Variants in STK17B observed in about 807,000 individuals in gnomAD.
The protein encoded by STK17B is serine/threonine kinase 17b, also known as serine/threonine-protein kinase 17B.
Under a neutral mutation model 42.0 loss-of-function variants are expected in STK17B, and 21 were observed. That is an observed-to-expected ratio of 0.50 (90% CI 0.35 to 0.72). The LOEUF is 0.72. Ranked by LOEUF, STK17B falls within the 30% of genes least tolerant of loss-of-function variation. The pLI is 0.00. For synonymous variants in STK17B, 143 were observed against 148.4 expected (o/e 0.96, Z 0.26); for missense variants, 349 against 446.0 (o/e 0.78, Z 1.96).
intron 1 of STK17B, 101 bp from the exon 2 acceptor site, chr2:196,163,528 A>C: frequency 1.1e-6 from 1 of 948,512 alleles, no homozygotes; most frequent in Non-Finnish European, 1.4e-6. Context: ...AACTAAAAAA[A>C]AAAAAGATTT....
chr2:196,157,799 C>T (rs1339838481), intron 2 of STK17B, among the ~76,000 whole-genome samples: 2 of 152,170 alleles, frequency 1.3e-5, no homozygotes, highest in African/African-American at 4.8e-5. Context: ...ATACGTGTTA[C>T]TGTAAGTCTA....
chr2:196,175,659 A>G (rs1480895978), upstream of STK17B, among the ~76,000 whole-genome samples: 1 of 152,244 alleles, frequency 6.6e-6, no homozygotes, highest in Non-Finnish European at 1.5e-5. Context: ...ATAACTAAAT[A>G]CAGTATCAGT....
intron 4 of STK17B, among the ~76,000 whole-genome samples, chr2:196,144,794 T>C: frequency 6.6e-6 from 1 of 152,162 alleles, no homozygotes; most frequent in East Asian, 1.9e-4. Context: ...CCCATACCTC[T>C]GCCAAGGTGC....
Position 196,139,603 on chromosome 2 carries a change from A to T in STK17B, c.836+17T>A. On this transcript the variant is annotated intron_variant, in intron 7 of 7. Transcript: ENST00000263955. Reference sequence around the variant, plus strand: ...CAAATTAAATTTGTAATAGTATTTAAACAAATTATTACTTACTCTGGATTT... The same window carrying T: ...CAAATTAAATTTGTAATAGTATTTATACAAATTATTACTTACTCTGGATTT... The T allele has an allele frequency of 1.5e-6, 2 of 1,344,252 alleles. No homozygotes were observed. Among genetic ancestry groups the T allele is most frequent in the Non-Finnish European group, 1.9e-6 (2 of 1,036,944 alleles). 83.3% of individuals were successfully genotyped at this position (1,344,252 alleles called of 1,614,324 possible).
chr2:196,175,937 CA>C (rs2105725067), upstream of STK17B, among the ~76,000 whole-genome samples: 1 of 152,314 alleles, frequency 6.6e-6, no homozygotes, highest in South Asian at 2.1e-4. Flanking sequence ...GAGGGACTTG[CA>C]AAAGATCACA....
intron 1 of STK17B, among the ~76,000 whole-genome samples, chr2:196,164,757 T>C (rs572143103): frequency 1.4e-4 from 21 of 152,338 alleles, no homozygotes; most frequent in African/African-American, 4.3e-4. Flanking sequence ...TATTCTCAAA[T>C]TATGAACGCG....
upstream of STK17B, chr2:196,171,598 G>A (rs1032761607): frequency 6.6e-6 from 1 of 152,182 alleles, no homozygotes; most frequent in Non-Finnish European, 1.5e-5. Flanking sequence ...AGCCGCGTCT[G>A]GGGCATCGCC....
intron 2 of STK17B, among the ~76,000 whole-genome samples, chr2:196,157,803 A>G (rs980492526): frequency 6.6e-6 from 1 of 152,230 alleles, no homozygotes; most frequent in Non-Finnish European, 1.5e-5. Flanking sequence ...GTGTTACTGT[A>G]AGTCTACAGC....
chr2:196,137,821 C>T, intron 7 of STK17B, 92 bp from the exon 8 acceptor site: 1 of 1,390,208 alleles, frequency 7.2e-7, no homozygotes, highest in Middle Eastern at 1.8e-4. Context: ...TTTTTTACTT[C>T]TTGTGAAAAT....
chr2:196,157,060 G>A (rs181306268), intron 2 of STK17B, among the ~76,000 whole-genome samples: 87 of 151,812 alleles, frequency 5.7e-4, no homozygotes, highest in Middle Eastern at 3.4e-3. Context: ...AGCTACACAG[G>A]AGAATCTATT....
In STK17B at chr2:196,141,284, C is replaced by G; in HGVS notation, c.621G>C (p.Leu207=). 1 of 1,606,582 alleles carries G rather than the reference C, an allele frequency of 6.2e-7. No homozygotes were observed. The highest frequency in any genetic ancestry group is 8.5e-7 in the Non-Finnish European group (1 of 1,176,054). Residue 207 remains leucine (L), a synonymous_variant, in exon 6 of 8, where the codon CTG becomes CTC. Transcript: ENST00000263955. ...GTPEYLAPEI[L]NYDPITTATD... ...TTGCTGTGGTAATGGGATCATAGTT[C>G]AGGATTTCTGGAGCTGAAAGAAAAG...
intron 3 of STK17B, among the ~76,000 whole-genome samples, chr2:196,147,783 G>A (rs1397330042): frequency 6.7e-6 from 1 of 149,676 alleles, no homozygotes; most frequent in Non-Finnish European, 1.5e-5. Flanking sequence ...CCAGGCTGGA[G>A]TGCAGTGGCG....
chr2:196,175,879 C>G (rs151140030), upstream of STK17B, among the ~76,000 whole-genome samples: 360 of 152,186 alleles, frequency 2.4e-3, 2 homozygotes, highest in African/African-American at 8.2e-3. Context: ...AGTTCAGTAA[C>G]CCAACTCCCT....
upstream of STK17B, among the ~76,000 whole-genome samples, chr2:196,175,370 A>T (rs1317898760): frequency 1.3e-5 from 2 of 152,226 alleles, no homozygotes; most frequent in Non-Finnish European, 2.9e-5. Context: ...TCATATCTGT[A>T]ATCCTAGCAC....
chr2:196,159,505 T>A (rs1164818312), intron 2 of STK17B, among the ~76,000 whole-genome samples: 1 of 152,058 alleles, frequency 6.6e-6, no homozygotes, highest in Non-Finnish European at 1.5e-5. Context: ...ACAGACAGTG[T>A]CTCCCTATGT....
rs1486165678 is a variant in STK17B, at chr2:196,136,070, G to A, written c.*1377C>T. Reference sequence around the variant, plus strand: ...GAATTTGGAAACTTACCAAAATTTTGAGAAGTTAAAGGTCTAAAGGGGGAA... The same window carrying A: ...GAATTTGGAAACTTACCAAAATTTTAAGAAGTTAAAGGTCTAAAGGGGGAA... On this transcript the variant is annotated 3_prime_UTR_variant, in exon 8 of 8. Coordinates refer to ENST00000263955, the MANE Select transcript of STK17B (RefSeq NM_004226.4). The A allele has an allele frequency of 6.6e-6, 1 of 152,150 alleles. No homozygotes were observed. Among genetic ancestry groups the A allele is most frequent in the Non-Finnish European group, 1.5e-5 (1 of 68,030 alleles). 9.4% of individuals were successfully genotyped at this position (152,150 alleles called of 1,614,324 possible).
At chr2:196,175,069 A>G (rs1699985624), upstream of STK17B, among the ~76,000 whole-genome samples, 1 of 152,128 alleles carries the variant, frequency 6.6e-6, no homozygotes, top group African/African-American at 2.4e-5. Context: ...TAAAAAGTAA[A>G]CACAGATAAA....
At chr2:196,172,969 T>C (rs1699965943), upstream of STK17B, among the ~76,000 whole-genome samples, 1 of 152,124 alleles carries the variant, frequency 6.6e-6, no homozygotes, top group Non-Finnish European at 1.5e-5. Context: ...CTCTTGGGGG[T>C]CACAGGATTA....
intron 1 of STK17B, among the ~76,000 whole-genome samples, chr2:196,165,431 T>C (rs1699864854): frequency 6.6e-6 from 1 of 152,244 alleles, no homozygotes; most frequent in South Asian, 2.1e-4. Context: ...GAACACTATA[T>C]ACAAACATTT....
Sources: allele counts gnomAD v4.1 joint callset (sites outside exome capture counted in the v4.1 genomes callset), GRCh38; gene constraint gnomAD v4.1.1; transcripts MANE v1.5; gene names NCBI Gene and HGNC (gene_info 2026-07-23, HGNC 2026-07-21).